CTNNA3: variants seen among roughly 807,000 people sequenced by gnomAD.
The protein encoded by CTNNA3 is catenin alpha-3.
A neutral mutation model predicts 95.7 loss-of-function variants in CTNNA3; 76 were observed. That is an observed-to-expected ratio of 0.79 (90% CI 0.66 to 0.96). The LOEUF is 0.96. CTNNA3 is among the 40% of genes least tolerant of loss of function. The pLI, the probability that CTNNA3 is intolerant of heterozygous loss-of-function variation, is 0.00. For synonymous variants in CTNNA3, 431 were observed against 374.4 expected, an observed-to-expected ratio of 1.15 and a Z score of -1.74; for missense variants, 1,191 against 1,089.8, an observed-to-expected ratio of 1.09 and a Z score of -1.31.
intron 13 of CTNNA3, among the ~76,000 whole-genome samples, chr10:66,277,659 ATCCC>A (rs2091423330): frequency 6.6e-6 from 1 of 152,116 alleles, no homozygotes; most frequent in East Asian, 1.9e-4. Context: ...TTTCCAAGGA[ATCCC>A]TGTAGAAGTC....
chr10:67,601,254 T>A (rs2133368236), intron 3 of CTNNA3, among the ~76,000 whole-genome samples: 1 of 152,236 alleles, frequency 6.6e-6, no homozygotes. Context: ...ACCGGTTTCA[T>A]GGAATATAAT....
intron 13 of CTNNA3, among the ~76,000 whole-genome samples, chr10:66,162,235 T>C (rs963200273): frequency 6.6e-6 from 1 of 152,040 alleles, no homozygotes; most frequent in Non-Finnish European, 1.5e-5. Flanking sequence ...TTTGGATCCA[T>C]GGCTGGTGAA....
intron 6 of CTNNA3, among the ~76,000 whole-genome samples, chr10:67,197,823 A>C (rs1863447836): frequency 6.6e-6 from 1 of 152,130 alleles, no homozygotes; most frequent in Admixed American, 6.5e-5. Context: ...AGAAAAAAAA[A>C]TTGCTGTAGT....
At chr10:66,738,250 T>C (rs546967125) in intron 9 of CTNNA3, among the ~76,000 whole-genome samples, 11 of 152,352 alleles carry the variant, frequency 7.2e-5, no homozygotes, top group African/African-American at 2.2e-4. Flanking sequence ...ATATCTATTA[T>C]GTTTTTGATT....
intron 11 of CTNNA3, among the ~76,000 whole-genome samples, chr10:66,426,344 T>C (rs1411961901): frequency 2.0e-5 from 3 of 152,124 alleles, no homozygotes; most frequent in Non-Finnish European, 4.4e-5. Flanking sequence ...AAACTGTAGA[T>C]TTATTTAAAG....
intron 12 of CTNNA3, among the ~76,000 whole-genome samples, chr10:66,303,280 T>C (rs2091889372): frequency 6.6e-6 from 1 of 151,820 alleles, no homozygotes; most frequent in South Asian, 2.1e-4. Flanking sequence ...AGAGCAAAGG[T>C]TAAGAATAAA....
chr10:66,754,775 G>A (rs1051166024), intron 9 of CTNNA3, among the ~76,000 whole-genome samples: 2 of 152,066 alleles, frequency 1.3e-5, no homozygotes, highest in African/African-American at 4.8e-5. Flanking sequence ...TCACCCCCAC[G>A]ATGATGGCTA....
chr10:66,971,117 A>C (rs937994507), intron 7 of CTNNA3, among the ~76,000 whole-genome samples: 1 of 152,144 alleles, frequency 6.6e-6, no homozygotes, highest in African/African-American at 2.4e-5. Flanking sequence ...ACTGGGCAGC[A>C]ATGAGGCAGG....
intron 7 of CTNNA3, among the ~76,000 whole-genome samples, chr10:66,809,585 C>A (rs906892484): frequency 6.6e-6 from 1 of 152,062 alleles, no homozygotes; most frequent in Non-Finnish European, 1.5e-5. Flanking sequence ...ATTTGCACAG[C>A]TTATTCCATT....
intron 2 of CTNNA3, among the ~76,000 whole-genome samples, chr10:67,612,876 T>C (rs1843507291): frequency 6.6e-6 from 1 of 152,158 alleles, no homozygotes. Flanking sequence ...TTATGAAAAG[T>C]GTGTGCAATG....
At chr10:67,708,508 C>T (rs1841090205) in intron 1 of CTNNA3, among the ~76,000 whole-genome samples, 1 of 152,242 alleles carries the variant, frequency 6.6e-6, no homozygotes, top group Middle Eastern at 3.4e-3. Context: ...TGTCATTGAA[C>T]CTTCTTATTT....
chr10:67,417,260 A>C (rs964075488), intron 5 of CTNNA3, among the ~76,000 whole-genome samples: 3 of 152,166 alleles, frequency 2.0e-5, no homozygotes, highest in Non-Finnish European at 4.4e-5. Context: ...ACACATGGAC[A>C]TCAGTATGGG....
At chr10:67,581,837 T>A (rs1842411926) in intron 3 of CTNNA3, among the ~76,000 whole-genome samples, 1 of 152,202 alleles carries the variant, frequency 6.6e-6, no homozygotes, top group Non-Finnish European at 1.5e-5. Context: ...ATTTTCTAGT[T>A]TTTTTGTGTA....
chr10:66,536,560 A>C (rs1841666969), intron 10 of CTNNA3, among the ~76,000 whole-genome samples: 1 of 152,054 alleles, frequency 6.6e-6, no homozygotes, highest in Non-Finnish European at 1.5e-5. Context: ...AAATGCTCAG[A>C]GTAGTAATAA....
chr10:66,236,844 G>A (rs1217906477), intron 13 of CTNNA3, among the ~76,000 whole-genome samples: 1 of 145,028 alleles, frequency 6.9e-6, no homozygotes, highest in Non-Finnish European at 1.5e-5. Flanking sequence ...GCCAGGCATG[G>A]TGGCTCACAC....
At chr10:66,126,442 A>G (rs142826675) in intron 13 of CTNNA3, among the ~76,000 whole-genome samples, 237 of 152,310 alleles carry the variant, frequency 1.6e-3, no homozygotes, top group African/African-American at 5.5e-3. Context: ...TAGTATGCAC[A>G]CATATATTCC....
At chr10:67,024,997 G>C (rs543606455) in intron 7 of CTNNA3, among the ~76,000 whole-genome samples, 1 of 151,960 alleles carries the variant, frequency 6.6e-6, no homozygotes, top group African/African-American at 2.4e-5. Context: ...AGGTGTGGTG[G>C]CGCATGCCTG....
intron 11 of CTNNA3, among the ~76,000 whole-genome samples, chr10:66,510,087 G>T (rs1840602552): frequency 6.6e-6 from 1 of 151,766 alleles, no homozygotes; most frequent in South Asian, 2.1e-4. Context: ...TCAGTGCTTT[G>T]TAGTTTTCAT....
chr10:66,567,793 C>T (rs1170684088), intron 10 of CTNNA3, among the ~76,000 whole-genome samples: 2 of 152,188 alleles, frequency 1.3e-5, no homozygotes, highest in Non-Finnish European at 2.9e-5. Flanking sequence ...TTACCCTCCT[C>T]ATCTCTGAGC....
Sources: allele counts gnomAD v4.1 joint callset (sites outside exome capture counted in the v4.1 genomes callset), GRCh38; gene constraint gnomAD v4.1.1; transcripts MANE v1.5; gene names NCBI Gene and HGNC (gene_info 2026-07-23, HGNC 2026-07-21).